ATRN: variants seen among roughly 807,000 people sequenced by gnomAD.
The protein encoded by ATRN is attractin-2.
A neutral mutation model predicts 178.7 loss-of-function variants in ATRN; 54 were observed. The observed-to-expected ratio is 0.30, with a 90% confidence interval of 0.24 to 0.38. ATRN has a LOEUF of 0.38. Ranked by LOEUF, ATRN falls within the 10% of genes least tolerant of loss-of-function variation. The probability of loss-of-function intolerance (pLI) is 1.00; values close to 1 mark genes in which losing one functional copy is unlikely to be tolerated. For missense variants in ATRN, 1,443 were observed against 1,815.1 expected (o/e 0.79, Z 3.73); for synonymous variants, 636 against 663.0 (o/e 0.96, Z 0.63).
intron 25 of ATRN, among the ~76,000 whole-genome samples, chr20:3,627,454 T>C (rs1276248152): frequency 6.6e-6 from 1 of 152,076 alleles, no homozygotes; most frequent in African/African-American, 2.4e-5. Context: ...AAGAAAAATA[T>C]AAATAAGAGC....
chr20:3,564,516 A>T (rs2086002949), intron 10 of ATRN, among the ~76,000 whole-genome samples: 1 of 152,220 alleles, frequency 6.6e-6, no homozygotes, highest in Non-Finnish European at 1.5e-5. Flanking sequence ...TAGCAGCACC[A>T]GTTGGTATTA....
intron 1 of ATRN, among the ~76,000 whole-genome samples, chr20:3,522,563 T>C (rs1285876733): frequency 6.6e-6 from 1 of 152,196 alleles, no homozygotes; most frequent in Non-Finnish European, 1.5e-5. Flanking sequence ...ACTCGAGCTC[T>C]GCTAAGGGAC....
intron 1 of ATRN, among the ~76,000 whole-genome samples, chr20:3,517,797 T>C (rs1359595159): frequency 6.6e-6 from 1 of 152,084 alleles, no homozygotes; most frequent in Non-Finnish European, 1.5e-5. Flanking sequence ...ATTAAACAAA[T>C]TTTTAACAAC....
chr20:3,508,138 C>T (rs1600052916), intron 1 of ATRN, among the ~76,000 whole-genome samples: 1 of 151,536 alleles, frequency 6.6e-6, no homozygotes, highest in African/African-American at 2.4e-5. Flanking sequence ...TCCTTGAGCC[C>T]AGGAGTTTTG....
chr20:3,486,819 G>T (rs1340519246), intron 1 of ATRN, among the ~76,000 whole-genome samples: 5 of 151,912 alleles, frequency 3.3e-5, no homozygotes, highest in Admixed American at 2.0e-4. Flanking sequence ...TTTTTATTTT[G>T]CTCAGTGTAT....
At chr20:3,554,311 T>TTATTTATG (rs2085832760) in intron 6 of ATRN, among the ~76,000 whole-genome samples, 1 of 145,834 alleles carries the variant, frequency 6.9e-6, no homozygotes, top group South Asian at 2.2e-4. Flanking sequence ...AGATTTTTAT[T>TTATTTATG]TATTTATTTA....
intron 1 of ATRN, among the ~76,000 whole-genome samples, chr20:3,484,719 G>A (rs2084666916): frequency 6.6e-6 from 1 of 151,896 alleles, no homozygotes; most frequent in South Asian, 2.1e-4. Flanking sequence ...ATTATAGAGG[G>A]TCTTTCCATC....
intron 9 of ATRN, 34 bp from the exon 10 acceptor site, chr20:3,563,175 C>A (rs1171036459): frequency 6.3e-7 from 1 of 1,576,164 alleles, no homozygotes; most frequent in East Asian, 2.3e-5. Flanking sequence ...TAAAAACTAA[C>A]CTTGTATTTA....
intron 1 of ATRN, among the ~76,000 whole-genome samples, chr20:3,478,627 A>G (rs2084566780): frequency 6.6e-6 from 1 of 152,156 alleles, no homozygotes; most frequent in South Asian, 2.1e-4. Flanking sequence ...TGGCACGTGT[A>G]TGTCTGTGTA....
intron 1 of ATRN, among the ~76,000 whole-genome samples, chr20:3,512,085 T>TTA (rs1212714416): frequency 0.04 from 4,730 of 119,630 alleles, 143 homozygotes; most frequent in Non-Finnish European, 0.052. Context: ...CTTTTTTCTT[T>TTA]TATATATATA....
At chr20:3,507,299 A>G (rs2085058890) in intron 1 of ATRN, among the ~76,000 whole-genome samples, 1 of 151,598 alleles carries the variant, frequency 6.6e-6, no homozygotes, top group East Asian at 1.9e-4. Flanking sequence ...AATCCCAGCT[A>G]CTTGGGAGGC....
chr20:3,642,771 C>T (rs762355994), intron 27 of ATRN, among the ~76,000 whole-genome samples: 1 of 152,152 alleles, frequency 6.6e-6, no homozygotes, highest in Non-Finnish European at 1.5e-5. Context: ...GATTTCCATC[C>T]CACGTTTATT....
intron 22 of ATRN, among the ~76,000 whole-genome samples, chr20:3,600,320 CT>C (rs543948536): frequency 1.7e-3 from 253 of 152,128 alleles, no homozygotes; most frequent in Non-Finnish European, 2.9e-3. Flanking sequence ...GTTTTCAAAA[CT>C]AAGAAGCCAT....
At chr20:3,497,547 G>T (rs2084897995) in intron 1 of ATRN, among the ~76,000 whole-genome samples, 1 of 152,110 alleles carries the variant, frequency 6.6e-6, no homozygotes, top group Non-Finnish European at 1.5e-5. Flanking sequence ...AGTCTGATGG[G>T]CTTCCCTTTG....
chr20:3,603,520 G>A lies in ATRN; in HGVS notation c.3644-585G>A, dbSNP rs1187704762. ...TTTTTTTTTTTTGAGACGGAATTTCGCTCTTATTGCCTAGGCTGGAGTGCA... is the reference window on the plus strand; with the variant it reads ...TTTTTTTTTTTTGAGACGGAATTTCACTCTTATTGCCTAGGCTGGAGTGCA... On this transcript the variant is annotated intron_variant, in intron 23 of 28. Transcript: ENST00000262919. Among the ~76,000 whole-genome samples the A allele has an allele frequency of 6.7e-5, 10 of 149,070 alleles. No individual in the cohort carries two copies. In the Admixed American group the frequency reaches 6.7e-4, roughly 10 times the overall value.
intron 20 of ATRN, among the ~76,000 whole-genome samples, chr20:3,595,746 T>C (rs2086520355): frequency 6.6e-6 from 1 of 152,238 alleles, no homozygotes; most frequent in Non-Finnish European, 1.5e-5. Context: ...CATACCTGCC[T>C]GGGAAAGGCC....
At chr20:3,597,071 T>TATATATATATATATATATATAA (rs11087589) in intron 21 of ATRN, among the ~76,000 whole-genome samples, 15,096 of 133,582 alleles carry the variant, frequency 0.11, 1,265 homozygotes, top group East Asian at 0.29. Flanking sequence ...TATATATATA[T>TATATATATATATATATATATAA]ATAAAACTTC....
rs2146331467 is a variant in ATRN at position 3,649,191 on chromosome 20, G to C, written c.*2344G>C. Reference sequence around the variant, plus strand: ...AATGGCAGGGAGTAAGAGGCGCTGGGCTCGGAGCCTGTTTCCAAGAAGGAA... The same window carrying C: ...AATGGCAGGGAGTAAGAGGCGCTGGCCTCGGAGCCTGTTTCCAAGAAGGAA... On this transcript the variant is annotated 3_prime_UTR_variant, in exon 29 of 29. Coordinates refer to ENST00000262919, the MANE Select transcript of ATRN (RefSeq NM_139321.3). 6.6e-6 allele frequency: 1 copy of C among 152,512 alleles called. No individual in the cohort carries two copies. The highest frequency in any genetic ancestry group is 6.5e-5 in the Admixed American group (1 of 15,296). The allele number at this position is 152,512 out of a possible 1,614,324, so 9.4% of individuals were successfully genotyped here. A position where few individuals can be genotyped will look rare whatever the true frequency, so the allele number is the denominator to read the frequency against.
At chr20:3,506,900 GA>G (rs1246007014) in intron 1 of ATRN, among the ~76,000 whole-genome samples, 1 of 152,022 alleles carries the variant, frequency 6.6e-6, no homozygotes, top group East Asian at 1.9e-4. Flanking sequence ...TTGGAAACTA[GA>G]AATACAATAA....
Sources: allele counts gnomAD v4.1 joint callset (sites outside exome capture counted in the v4.1 genomes callset), GRCh38; gene constraint gnomAD v4.1.1; transcripts MANE v1.5; gene names NCBI Gene and HGNC (gene_info 2026-07-23, HGNC 2026-07-21).